The following SNX29 variants were observed in gnomAD, a reference collection of about 807,000 sequenced individuals.
The protein encoded by SNX29 is sorting nexin-29.
Under a neutral mutation model 102.1 loss-of-function variants are expected in SNX29, and 78 were observed. The observed-to-expected ratio is 0.76, with a 90% CI of 0.64 to 0.92. The LOEUF (loss-of-function observed/expected upper bound fraction) is 0.92. SNX29 is among the 40% of genes least tolerant of loss of function. The probability of loss-of-function intolerance (pLI) is 0.00; values close to 1 mark genes in which losing one functional copy is unlikely to be tolerated. For synonymous variants in SNX29, 580 were observed against 414.5 expected (o/e 1.40, Z -4.85); for missense variants, 1,280 against 1,061.7 (o/e 1.21, Z -2.86).
chr16:12,389,942 C>G (rs1023450900), intron 16 of SNX29, among the ~76,000 whole-genome samples: 6 of 152,190 alleles, frequency 3.9e-5, no homozygotes, highest in African/African-American at 1.4e-4. Context: ...TAGTTGAATA[C>G]TTTCCACTCA....
chr16:12,338,892 C>T (rs1037195199), intron 15 of SNX29, among the ~76,000 whole-genome samples: 1 of 152,080 alleles, frequency 6.6e-6, no homozygotes. Flanking sequence ...AAAATCATAA[C>T]AGTGTTTCCA....
chr16:12,523,762 C>A (rs912270704), intron 19 of SNX29, among the ~76,000 whole-genome samples: 1 of 152,178 alleles, frequency 6.6e-6, no homozygotes, highest in African/African-American at 2.4e-5. Context: ...ATCACAGAGC[C>A]CCTGATCACT....
chr16:12,279,862 G>A (rs184515373), intron 15 of SNX29, among the ~76,000 whole-genome samples: 142 of 152,332 alleles, frequency 9.3e-4, no homozygotes, highest in Admixed American at 9.3e-3. Flanking sequence ...GAAAGTGCAG[G>A]ATGAAAGGTT....
intron 19 of SNX29, among the ~76,000 whole-genome samples, chr16:12,499,002 T>A (rs972213319): frequency 2.0e-5 from 3 of 152,148 alleles, no homozygotes; most frequent in African/African-American, 7.2e-5. Context: ...CATAAATCTT[T>A]TTAGGGAGCT....
chr16:12,153,845 C>A, intron 13 of SNX29, among the ~76,000 whole-genome samples: 1 of 152,096 alleles, frequency 6.6e-6, no homozygotes, highest in Non-Finnish European at 1.5e-5. Flanking sequence ...TGTAGCAAGC[C>A]GGTGTGACAG....
chr16:12,266,191 C>T (rs909126258), intron 14 of SNX29, among the ~76,000 whole-genome samples: 2 of 152,126 alleles, frequency 1.3e-5, no homozygotes, highest in Admixed American at 6.5e-5. Context: ...TCCCAAAGTG[C>T]TGGGGTTGCA....
intron 20 of SNX29, chr16:12,546,271 G>A (rs988758058): frequency 1.2e-4 from 19 of 152,218 alleles, no homozygotes; most frequent in African/African-American, 4.3e-4. Context: ...AACTGTATTA[G>A]TCCGTTTTCA....
Position 12,380,085 on chromosome 16 carries a change from T to A in SNX29, c.1900-18361T>A, listed in dbSNP as rs190230671. ...TACTTTCTGCTGCCAATGCCCTAAT[T>A]TCTTAACCTTGCAGAATGGAATTAT... On this transcript the variant is annotated intron_variant, in intron 16 of 20. Transcript: ENST00000566228. 8.1e-4 allele frequency among the ~76,000 whole-genome samples: 122 copies of A among 151,254 alleles called. 1 individual carries two copies. The East Asian group carries it at 0.016, about 20-fold the overall frequency.
chr16:12,277,919 C>A lies in SNX29; in HGVS notation c.1679-14C>A. ...CTGTTGAAATATTTATGACATGTCTCTCTTTCTCTAAAGTGCCAAATCTTT... is the reference window on the plus strand; with the variant it reads ...CTGTTGAAATATTTATGACATGTCTATCTTTCTCTAAAGTGCCAAATCTTT... On this transcript the variant is annotated splice_polypyrimidine_tract_variant and intron_variant, in intron 14 of 20. Coordinates refer to ENST00000566228, the MANE Select transcript of SNX29 (RefSeq NM_032167.5). The A allele has an allele frequency of 6.3e-7, 1 of 1,592,308 alleles. No individual in the cohort carries two copies. The highest frequency in any genetic ancestry group is 8.6e-7 in the Non-Finnish European group (1 of 1,167,710).
At chr16:11,979,581 ATTTAT>A (rs777999878) in intron 1 of SNX29, among the ~76,000 whole-genome samples, 25 of 152,078 alleles carry the variant, frequency 1.6e-4, no homozygotes, top group Admixed American at 3.3e-4. Flanking sequence ...TTGTTTATTT[ATTTAT>A]TTTATTTATG....
Position 12,496,078 on chromosome 16 carries a change from C to G in SNX29, c.2178+18219C>G, listed in dbSNP as rs955529510. On this transcript the variant is annotated intron_variant, in intron 19 of 20. Transcript: ENST00000566228. ...AAATGTCTGCAGGTTTCAGTGAGCG[C>G]AGAGGTACTGAGAACTGAGAGGGGA... 2.0e-5 allele frequency among the ~76,000 whole-genome samples: 3 copies of G among 152,076 alleles called. No individual in the cohort carries two copies. In the South Asian group the frequency reaches 6.2e-4, roughly 32 times the overall value.
intron 15 of SNX29, among the ~76,000 whole-genome samples, chr16:12,345,787 T>C (rs1047459627): frequency 6.6e-5 from 10 of 152,228 alleles, no homozygotes; most frequent in African/African-American, 2.4e-4. Context: ...GTCCTTCTCT[T>C]GAAATGTTTT....
In SNX29 at chr16:12,346,602, C is replaced by T. The variant is rs574891590; in HGVS notation, c.1783-9561C>T. Among the ~76,000 whole-genome samples, 7 of 152,266 alleles carry T rather than the reference C, an allele frequency of 4.6e-5. No individual in the cohort carries two copies. In the South Asian group the frequency reaches 8.3e-4, roughly 18 times the overall value. ...CAGGACAGGTGTGAATTGGGGAACC[C>T]GCTTAAAGACCCTCACAGCTGCATG... On this transcript the variant is annotated intron_variant, in intron 15 of 20. Transcript: ENST00000566228.
chr16:12,096,657 A>G lies in SNX29; in HGVS notation c.1402+17742A>G, dbSNP rs2052779788. Among the ~76,000 whole-genome samples the G allele has an allele frequency of 6.6e-6, 1 of 152,200 alleles. No homozygotes were observed. The highest frequency in any genetic ancestry group is 1.5e-5 in the Non-Finnish European group (1 of 68,034). On this transcript the variant is annotated intron_variant, in intron 11 of 20. Coordinates refer to ENST00000566228, the MANE Select transcript of SNX29 (RefSeq NM_032167.5). This position sits in a 1 kb window ranked among gnomAD's most constrained non-coding sequence, Gnocchi z 4.2. The stretch of plus-strand genomic sequence containing the variant: ...GGGCAAAACGGGAGGCAATGGGGTC[A>G]TGTGGGAGTGATGTACTCTTTGTTA...
chr16:12,484,637 C>T (rs1459533858), intron 19 of SNX29, among the ~76,000 whole-genome samples: 1 of 152,114 alleles, frequency 6.6e-6, no homozygotes, highest in African/African-American at 2.4e-5. Context: ...ACACTGATCT[C>T]ACCTCGGGGC....
In SNX29 at chr16:12,199,671, C is replaced by A; in HGVS notation, c.1666C>A (p.Gln556Lys). 1 of 1,611,772 alleles carries A rather than the reference C, an allele frequency of 6.2e-7. No individual in the cohort carries two copies. Among genetic ancestry groups the A allele is most frequent in the South Asian group, 1.1e-5 (1 of 90,502 alleles). ...TGTCCAGATGCTGAAAAGAGAAGGT[C>A]AAACAGCTGAAGGTGAGGGGGAGCC... is the stretch of plus-strand genomic sequence containing the variant. ...GAVQMLKREG[Q>K]TAEVPNLWSV... is the part of the protein sequence containing the mutation. Residue 556 changes from glutamine (Q) to lysine (K), a missense_variant, in exon 14 of 21, where the codon CAA becomes AAA. Coordinates refer to ENST00000566228, the MANE Select transcript of SNX29 (RefSeq NM_032167.5).
intron 15 of SNX29, among the ~76,000 whole-genome samples, chr16:12,279,601 G>T (rs1037020794): frequency 6.6e-6 from 1 of 152,158 alleles, no homozygotes; most frequent in African/African-American, 2.4e-5. Flanking sequence ...GTCTGTGCCC[G>T]GAAGTCCCAA....
At chr16:12,092,197 G>A (rs919943020) in intron 11 of SNX29, among the ~76,000 whole-genome samples, 3 of 152,028 alleles carry the variant, frequency 2.0e-5, no homozygotes, top group Admixed American at 6.6e-5. Flanking sequence ...CAAGCTCCCT[G>A]AGTAGACACA....
chr16:12,572,884 C>A lies in SNX29; in HGVS notation c.*4255C>A, dbSNP rs1052879053. The A allele has an allele frequency of 3.8e-6, 4 of 1,056,314 alleles. No homozygotes were observed. The highest frequency in any genetic ancestry group is 3.3e-5 in the African/African-American group (2 of 60,764). The allele number at this position is 1,056,314 out of a possible 1,614,324, so 65.4% of individuals were successfully genotyped here. A position where few individuals can be genotyped will look rare whatever the true frequency, so the allele number is the denominator to read the frequency against. On this transcript the variant is annotated 3_prime_UTR_variant, in exon 21 of 21. Coordinates refer to ENST00000566228, the MANE Select transcript of SNX29 (RefSeq NM_032167.5). Reference sequence around the variant, plus strand: ...AAAGGTAATGATTGTCTTGACTCTGCCTTGGCATTTCGCTCGGAATCACGG... The same window carrying A: ...AAAGGTAATGATTGTCTTGACTCTGACTTGGCATTTCGCTCGGAATCACGG...
Sources: allele counts gnomAD v4.1 joint callset (sites outside exome capture counted in the v4.1 genomes callset), GRCh38; gene constraint gnomAD v4.1.1; non-coding constraint Gnocchi (gnomAD v3.1); transcripts MANE v1.5; gene names NCBI Gene and HGNC (gene_info 2026-07-23, HGNC 2026-07-21).